DMWD: variants seen among roughly 807,000 people sequenced by gnomAD.
The protein encoded by DMWD is dystrophia myotonica WD repeat-containing protein.
In DMWD, 19 loss-of-function variants were observed where a neutral mutation model predicts 45.8. The ratio of observed to expected loss-of-function variants is 0.41; its 90% CI spans 0.29 to 0.61. The LOEUF is 0.61. Among genes scored for constraint, DMWD ranks in the 20% least tolerant of loss-of-function variants. The probability of loss-of-function intolerance (pLI) is 0.25; values close to 1 mark genes in which losing one functional copy is unlikely to be tolerated. For missense variants in DMWD, 802 were observed against 965.2 expected (o/e 0.83, Z 2.24); for synonymous variants, 515 against 440.5 (o/e 1.17, Z -2.12).
chr19:45,784,743 G>GA, intron 3 of DMWD, 28 bp from the exon 4 acceptor site: 1 of 1,607,132 alleles, frequency 6.2e-7, no homozygotes, highest in South Asian at 1.1e-5. Flanking sequence ...TCTCTTTTAG[G>GA]ACTCAACCAG....
intron 2 of DMWD, chr19:45,789,489 T>C (rs1970326267): frequency 6.6e-6 from 1 of 152,248 alleles, no homozygotes; most frequent in Non-Finnish European, 1.5e-5. Flanking sequence ...ACAGCGGTCC[T>C]GCAAGGTAGG....
intron 3 of DMWD, chr19:45,785,390 T>C: frequency 5.6e-6 from 7 of 1,252,090 alleles, no homozygotes; most frequent in African/African-American, 1.5e-5. Flanking sequence ...CACCCCTCTT[T>C]CTGCTGCCTG....
chr19:45,792,175 C>T (rs1970363704), intron 1 of DMWD, 141 bp downstream of exon 1: 2 of 1,377,802 alleles, frequency 1.5e-6, no homozygotes, highest in Non-Finnish European at 1.9e-6. Flanking sequence ...CCTGTACTCC[C>T]TCCAATGCTG....
intron 3 of DMWD, 94 bp from the exon 4 acceptor site, chr19:45,784,809 T>G: frequency 6.5e-7 from 1 of 1,535,510 alleles, no homozygotes; most frequent in Non-Finnish European, 8.8e-7. Flanking sequence ...GCTCTCAAGT[T>G]CTAGGGACTC....
chr19:45,784,440 G>T, intron 4 of DMWD, 150 bp from the exon 5 acceptor site: 1 of 1,244,796 alleles, frequency 8.0e-7, no homozygotes, highest in Non-Finnish European at 1.1e-6. Context: ...AGAGGCCACT[G>T]CTCTAGGCTG....
rs1600458383 is a variant in DMWD, at chr19:45,783,016, G to A, written c.*1227C>T. On this transcript the variant is annotated 3_prime_UTR_variant, in exon 5 of 5. Coordinates refer to ENST00000270223, the MANE Select transcript of DMWD (RefSeq NM_004943.2). ...TTTTTTTTTTTTTTTTTTCCCAGGA[G>A]GTGGGGAAGGGGTGGTGAGGACAGG... 4 of 148,924 alleles carry A rather than the reference G, an allele frequency of 2.7e-5. No individual in the cohort carries two copies. The South Asian group carries it at 8.6e-4, about 32-fold the overall frequency. The allele number at this position is 148,924 out of a possible 1,614,324, so 9.2% of individuals were successfully genotyped here. A position where few individuals can be genotyped will look rare whatever the true frequency, so the allele number is the denominator to read the frequency against.
In DMWD at chr19:45,783,808, ACT is replaced by A. The variant is rs1970220466; in HGVS notation, c.*433_*434del. ...ACCTGAGGGGCTTCCATAATTTAAC[ACT>A]CTTCAAAAGCACAGACAATAGCAAG... On this transcript the variant is annotated 3_prime_UTR_variant, in exon 5 of 5. Transcript: ENST00000270223. 2.1e-6 allele frequency: 1 copy of A among 465,980 alleles called. No individual in the cohort carries two copies. Among genetic ancestry groups the A allele is most frequent in the African/African-American group, 2.1e-5 (1 of 48,526 alleles). 28.9% of individuals were successfully genotyped at this position (465,980 alleles called of 1,614,324 possible).
At position 45,785,687 on chromosome 19, in the gene DMWD, C is replaced by T. The variant is rs2146271277; in HGVS notation, c.1809G>A (p.Gln603=). The T allele has an allele frequency of 6.2e-7, 1 of 1,601,160 alleles. No homozygotes were observed. The highest frequency in any genetic ancestry group is 1.3e-5 in the African/African-American group (1 of 74,636). Residue 603 remains glutamine (Q), a synonymous_variant, in exon 3 of 5, where the codon CAG becomes CAA. Transcript: ENST00000270223. ...LEPLVCKKIA[Q]ERLTVLLFLE... is the part of the protein sequence containing the mutation. ...GGAACAGGAGGACTGTGAGCCGCTC[C>T]TGGGCGATCTTCTTGCACACAAGGG...
rs1194034180 is a variant in DMWD at position 45,792,770 on chromosome 19, C to A, written c.-14G>T. 1.8e-6 allele frequency: 2 copies of A among 1,118,774 alleles called. No homozygotes were observed. Among genetic ancestry groups the A allele is most frequent in the Non-Finnish European group, 2.2e-6 (2 of 916,050 alleles). 69.3% of individuals were successfully genotyped at this position (1,118,774 alleles called of 1,614,324 possible). The stretch of plus-strand genomic sequence containing the variant: ...GCCCGCCGCCATCTTGGGCGCCCCC[C>A]GGGCCCCGCCACTGCCGGACTGCCG... On this transcript the variant is annotated 5_prime_UTR_variant, in exon 1 of 5. Coordinates refer to ENST00000270223, the MANE Select transcript of DMWD (RefSeq NM_004943.2).
Position 45,786,152 on chromosome 19 carries a change from G to A in DMWD, c.1344C>T (p.Asp448=), listed in dbSNP as rs766181506. Reference sequence around the variant, plus strand: ...CCAGGGGGGGGTGCGGGTAGAGCACGTCTTCAGTGAGGTCCCACAGGCAGA... The same window carrying A: ...CCAGGGGGGGGTGCGGGTAGAGCACATCTTCAGTGAGGTCCCACAGGCAGA... ...TQFCLWDLTE[D]VLYPHPPLAR... The change falls in exon 3 of 5, where the codon GAC becomes GAT. Residue 448 remains aspartate, a synonymous_variant. Transcript: ENST00000270223. 30 of 1,568,744 alleles carry A rather than the reference G, an allele frequency of 1.9e-5. No homozygotes were observed. Among genetic ancestry groups the A allele is most frequent in the East Asian group, 9.3e-5 (4 of 42,782 alleles).
In DMWD at chr19:45,786,226, C is replaced by A; in HGVS notation, c.1270G>T (p.Ala424Ser). ...CCAAAGCGGTAAGTAATGGAGCCAG[C>A]CTTGGGCAGTGGAGAGAGCGGGGCG... ...GGAPLSPLPK[A>S]GSITYRFGSA... Residue 424 changes from alanine to serine, a missense_variant, in exon 3 of 5, where the codon GCT (alanine) becomes TCT (serine). Ala to Ser is a moderately conservative substitution (Grantham distance 99). Coordinates refer to ENST00000270223, the MANE Select transcript of DMWD (RefSeq NM_004943.2). The A allele has an allele frequency of 1.2e-6, 2 of 1,611,234 alleles. No individual in the cohort carries two copies. Among genetic ancestry groups the A allele is most frequent in the South Asian group, 2.2e-5 (2 of 90,902 alleles).
chr19:45,784,617 G>C (rs766269005), intron 4 of DMWD, 24 bp downstream of exon 4: 30 of 1,613,664 alleles, frequency 1.9e-5, no homozygotes, highest in Admixed American at 8.3e-5. Flanking sequence ...AGGTGCTGGG[G>C]AAAGAACTCA....
At position 45,784,207 on chromosome 19, in the gene DMWD, G is replaced by T; in HGVS notation, c.*36C>A. The T allele has an allele frequency of 6.4e-7, 1 of 1,568,230 alleles. No individual in the cohort carries two copies. The highest frequency in any genetic ancestry group is 1.8e-5 in the Admixed American group (1 of 55,264). ...AGGGAGGGTTATGGCTAGGAGGCTG[G>T]GGGCATGGGGTTGGGGGGGCCCGAT... is the stretch of plus-strand genomic sequence containing the variant. On this transcript the variant is annotated 3_prime_UTR_variant, in exon 5 of 5. Coordinates refer to ENST00000270223, the MANE Select transcript of DMWD (RefSeq NM_004943.2).
chr19:45,783,357 G>A lies in DMWD; in HGVS notation c.*886C>T. ...AACCGGCCTGGGGTGCCTGGGCCTT[G>A]AGAGGGCCAGGCCTGAGAAACTAGG... On this transcript the variant is annotated 3_prime_UTR_variant, in exon 5 of 5. Transcript: ENST00000270223. 1 of 387,396 alleles carries A rather than the reference G, an allele frequency of 2.6e-6. No homozygotes were observed. Among genetic ancestry groups the A allele is most frequent in the Non-Finnish European group, 4.6e-6 (1 of 219,380 alleles). 24.0% of individuals were successfully genotyped at this position (387,396 alleles called of 1,614,324 possible). A position where few individuals can be genotyped will look rare whatever the true frequency, so the allele number is the denominator to read the frequency against.
Position 45,791,024 on chromosome 19 carries a change from C to T in DMWD, c.505G>A (p.Asp169Asn), listed in dbSNP as rs765636060. ...GTGGCAGCAGTGAACTGGTTGAAAT[C>T]GTGGCAGGTGGGCTGGGTGCCCTTG... ...IYKGTQPTCH[D>N]FNQFTAATET... is the part of the protein sequence containing the mutation. Residue 169 changes from aspartate to asparagine, a missense_variant, in exon 2 of 5, where the codon GAT becomes AAT. By Grantham distance (23) the Asp-to-Asn change is conservative. Coordinates refer to ENST00000270223, the MANE Select transcript of DMWD (RefSeq NM_004943.2). 6.2e-7 allele frequency: 1 copy of T among 1,613,770 alleles called. No homozygotes were observed. Among genetic ancestry groups the T allele is most frequent in the Non-Finnish European group, 8.5e-7 (1 of 1,179,882 alleles).
rs1970372271 is a variant in DMWD at position 45,792,812 on chromosome 19, C to CT, written c.-57dup. On this transcript the variant is annotated 5_prime_UTR_variant, in exon 1 of 5. Coordinates refer to ENST00000270223, the MANE Select transcript of DMWD (RefSeq NM_004943.2). ...GGACTGCCGCCCGCAGCCGGGCCCC[C>CT]TCCCGGAAGCCGCTGGCCCGCGCCG... 1 of 1,080,214 alleles carries CT rather than the reference C, an allele frequency of 9.3e-7. No individual in the cohort carries two copies. Among genetic ancestry groups the CT allele is most frequent in the Admixed American group, 5.2e-5 (1 of 19,144 alleles). 66.9% of individuals were successfully genotyped at this position (1,080,214 alleles called of 1,614,324 possible).
At chr19:45,791,721 C>T (rs1970358810) in intron 1 of DMWD, among the ~76,000 whole-genome samples, 1 of 152,098 alleles carries the variant, frequency 6.6e-6, no homozygotes, top group African/African-American at 2.4e-5. Context: ...CCTGCAGATT[C>T]CCCTGCCAGG....
At chr19:45,789,366 A>G (rs1970324022) in intron 2 of DMWD, 1 of 152,220 alleles carries the variant, frequency 6.6e-6, no homozygotes, top group Non-Finnish European at 1.5e-5. Flanking sequence ...TGGACCAGAG[A>G]GAATGAGACA....
At position 45,784,728 on chromosome 19, in the gene DMWD, A is replaced by C; in HGVS notation, c.1903-13T>G. 5 of 1,612,862 alleles carry C rather than the reference A, an allele frequency of 3.1e-6. No individual in the cohort carries two copies. The highest frequency in any genetic ancestry group is 4.2e-6 in the Non-Finnish European group (5 of 1,179,338). On this transcript the variant is annotated splice_polypyrimidine_tract_variant and intron_variant, in intron 3 of 4. Coordinates refer to ENST00000270223, the MANE Select transcript of DMWD (RefSeq NM_004943.2). ...CCTCGTCTGTGAACTACGGAGACAG[A>C]GGGGTCTCTTTTAGGACTCAACCAG... is the stretch of plus-strand genomic sequence containing the variant.
Sources: allele counts gnomAD v4.1 joint callset (sites outside exome capture counted in the v4.1 genomes callset), GRCh38; gene constraint gnomAD v4.1.1; transcripts MANE v1.5; gene names NCBI Gene and HGNC (gene_info 2026-07-23, HGNC 2026-07-21).